Variants in RBFOX1 observed in about 807,000 individuals in gnomAD.
RBFOX1 encodes RNA binding fox-1 homolog 1.
RBFOX1 carries 8 observed loss-of-function variants against 57.7 expected under a neutral mutation model. The observed-to-expected ratio is 0.14, with a 90% confidence interval of 0.08 to 0.25. RBFOX1 has a LOEUF of 0.25. RBFOX1 is among the 10% of genes least tolerant of loss of function. The pLI is 1.00. For missense variants in RBFOX1, 611 were observed against 548.5 expected (o/e 1.11, Z -1.14); for synonymous variants, 326 against 222.4 (o/e 1.47, Z -4.15).
intron 3 of RBFOX1, among the ~76,000 whole-genome samples, chr16:7,035,790 C>T (rs1006772349): frequency 6.6e-6 from 1 of 151,964 alleles, no homozygotes. Flanking sequence ...AGTTAGGATT[C>T]CTTAAGTTGG....
In RBFOX1 at chr16:6,292,467, T is replaced by C. The variant is rs538171306; in HGVS notation, c.-126-24528T>C. Among the ~76,000 whole-genome samples the C allele has an allele frequency of 4.7e-4, 72 of 152,246 alleles. 1 individual carries two copies. In the South Asian group the frequency reaches 0.014, roughly 30 times the overall value. On this transcript the variant is annotated intron_variant, in intron 1 of 15. Transcript: ENST00000550418. ...CCAAGAAATTAAAGTTCTTCAATAA[T>C]TCAGTGTCAAATACATACGTTTGAA...
At chr16:7,685,538 C>G (rs893144476) in intron 14 of RBFOX1, among the ~76,000 whole-genome samples, 4 of 152,044 alleles carry the variant, frequency 2.6e-5, no homozygotes, top group African/African-American at 9.7e-5. Context: ...AAGTGGAAAG[C>G]ATGGTACTAA....
chr16:6,860,308 G>T (rs1007688855), intron 3 of RBFOX1, among the ~76,000 whole-genome samples: 66 of 152,322 alleles, frequency 4.3e-4, no homozygotes, highest in African/African-American at 1.4e-3. Flanking sequence ...AATGTTCTCA[G>T]TTCTGATGGA....
rs536354516 is a variant in RBFOX1, at chr16:7,663,085, T to C, written c.891-1844T>C. 6.6e-5 allele frequency among the ~76,000 whole-genome samples: 10 copies of C among 152,360 alleles called. No homozygotes were observed. The East Asian group carries it at 1.3e-3, about 21-fold the overall frequency. ...AGAATGGGATGGAGCGGTTTTGATA[T>C]GGCTAAGTGATCAGTCCTGTGGTTT... On this transcript the variant is annotated intron_variant, in intron 12 of 15. Coordinates refer to ENST00000550418, the MANE Select transcript of RBFOX1 (RefSeq NM_018723.4).
At chr16:5,445,998 A>C (rs1323625980) in intron 1 of RBFOX1, among the ~76,000 whole-genome samples, 1 of 152,260 alleles carries the variant, frequency 6.6e-6, no homozygotes, top group Non-Finnish European at 1.5e-5. Flanking sequence ...AAGACCCTTT[A>C]ACAATCACAT....
At chr16:7,416,095 CA>C (rs2098475152) in intron 4 of RBFOX1, among the ~76,000 whole-genome samples, 3 of 152,138 alleles carry the variant, frequency 2.0e-5, no homozygotes, top group African/African-American at 7.2e-5. Flanking sequence ...TCCAGCCCCC[CA>C]ATCTGAAACG....
At chr16:7,613,169 C>T (rs181592130) in intron 10 of RBFOX1, among the ~76,000 whole-genome samples, 3 of 152,052 alleles carry the variant, frequency 2.0e-5, no homozygotes, top group African/African-American at 4.8e-5. Context: ...AAAACCACCC[C>T]TAGGGATATT....
chr16:7,223,615 A>G (rs551185837), intron 4 of RBFOX1, among the ~76,000 whole-genome samples: 10 of 151,300 alleles, frequency 6.6e-5, no homozygotes, highest in African/African-American at 2.4e-4. Context: ...CTGCCTCTTG[A>G]TGCTTTCAAG....
At chr16:6,459,811 C>T (rs776355003) in intron 2 of RBFOX1, among the ~76,000 whole-genome samples, 1 of 151,294 alleles carries the variant, frequency 6.6e-6, no homozygotes, top group Admixed American at 6.6e-5. Context: ...ACTGAGAAAC[C>T]CTGTCTCTAC....
At chr16:5,542,018 T>C (rs917854506) in intron 2 of RBFOX1, among the ~76,000 whole-genome samples, 9 of 152,162 alleles carry the variant, frequency 5.9e-5, no homozygotes, top group African/African-American at 2.2e-4. Flanking sequence ...GAACTGCTGT[T>C]CACTTGCGAT....
At chr16:6,193,407 T>TTATATATATATA (rs1567651514) in intron 1 of RBFOX1, among the ~76,000 whole-genome samples, 2 of 108,396 alleles carry the variant, frequency 1.8e-5, no homozygotes, top group African/African-American at 6.7e-5. Context: ...TATATATATA[T>TTATATATATATA]ATATATATAT....
At chr16:6,403,158 C>G (rs1267981928) in intron 2 of RBFOX1, among the ~76,000 whole-genome samples, 2 of 151,980 alleles carry the variant, frequency 1.3e-5, no homozygotes, top group African/African-American at 2.4e-5. Flanking sequence ...ATGAGTATCA[C>G]CTGGGAGATT....
chr16:5,488,380 T>G (rs2042708231), intron 2 of RBFOX1, among the ~76,000 whole-genome samples: 1 of 150,898 alleles, frequency 6.6e-6, no homozygotes, highest in Non-Finnish European at 1.5e-5. Context: ...ATGATGATGG[T>G]GGAAGATGCT....
intron 4 of RBFOX1, among the ~76,000 whole-genome samples, chr16:7,447,787 T>C (rs1045754048): frequency 1.3e-5 from 2 of 152,340 alleles, no homozygotes; most frequent in East Asian, 1.9e-4. Context: ...TGTTGAAGGT[T>C]ATAGGTCTTG....
At chr16:7,048,714 G>T (rs1355403036) in intron 3 of RBFOX1, among the ~76,000 whole-genome samples, 2 of 151,926 alleles carry the variant, frequency 1.3e-5, no homozygotes, top group Non-Finnish European at 1.5e-5. Context: ...CTATGTTGAT[G>T]TTGGTGTCTG....
At chr16:6,934,562 T>C (rs908061127) in intron 3 of RBFOX1, among the ~76,000 whole-genome samples, 1 of 152,160 alleles carries the variant, frequency 6.6e-6, no homozygotes, top group African/African-American at 2.4e-5. Context: ...AAGGAATTTT[T>C]TAAAAAGATA....
At chr16:7,327,679 G>A (rs1350768222) in intron 4 of RBFOX1, among the ~76,000 whole-genome samples, 1 of 152,174 alleles carries the variant, frequency 6.6e-6, no homozygotes, top group African/African-American at 2.4e-5. Flanking sequence ...CCTGACCTGT[G>A]GGAGAGGCAG....
chr16:6,438,390 G>C (rs1376600093), intron 2 of RBFOX1, among the ~76,000 whole-genome samples: 1 of 152,126 alleles, frequency 6.6e-6, no homozygotes, highest in African/African-American at 2.4e-5. Context: ...GGTGGAGTTG[G>C]ACTCACACCC....
Position 5,580,593 on chromosome 16 carries a change from T to C in RBFOX1, c.259-18309T>C, listed in dbSNP as rs76887986. On this transcript the variant is annotated intron_variant, in intron 2 of 2. Transcript: ENST00000585867. ...CTGCTTCAACGCTGGTTGTTCCCTT[T>C]GTGAGGCTTCAGCCTTCAAACATCT... is the stretch of plus-strand genomic sequence containing the variant. Among the ~76,000 whole-genome samples the C allele has an allele frequency of 3.7e-3, 566 of 152,290 alleles. 6 individuals are homozygous for C. The highest frequency in any genetic ancestry group is 0.029 in the East Asian group (150 of 5,162).
Sources: allele counts gnomAD v4.1 joint callset (sites outside exome capture counted in the v4.1 genomes callset), GRCh38; gene constraint gnomAD v4.1.1; transcripts MANE v1.5; gene names NCBI Gene and HGNC (gene_info 2026-07-23, HGNC 2026-07-21).